Variants in TGFBR3 observed in about 807,000 individuals in gnomAD.
TGFBR3 encodes the protein transforming growth factor beta receptor type 3.
TGFBR3 carries 46 observed loss-of-function variants against 87.9 expected under a neutral mutation model. That is an observed-to-expected ratio of 0.52 (90% CI 0.41 to 0.67). The LOEUF (loss-of-function observed/expected upper bound fraction) is 0.67, where lower values mean the gene tolerates loss of function less well. Ranked by LOEUF, TGFBR3 falls within the 30% of genes least tolerant of loss-of-function variation. The probability of loss-of-function intolerance (pLI) is 0.00; values close to 1 mark genes in which losing one functional copy is unlikely to be tolerated. For missense variants in TGFBR3, 866 were observed against 1,041.9 expected (o/e 0.83, Z 2.32); for synonymous variants, 381 against 391.6 (o/e 0.97, Z 0.32).
rs749634801 is a variant in TGFBR3, at chr1:91,735,034, C to G, written c.385-75G>C. 6.5e-6 allele frequency: 10 copies of G among 1,549,110 alleles called. No homozygotes were observed. In the Admixed American group the frequency reaches 6.7e-5, roughly 10 times the overall value. On this transcript the variant is annotated intron_variant, in intron 4 of 16. Transcript: ENST00000212355. Reference sequence around the variant, plus strand: ...AATCATAATTAGAGAAAGTACTTCTCAAATCGAAGTGCTTGTAAATCGAAC... The same window carrying G: ...AATCATAATTAGAGAAAGTACTTCTGAAATCGAAGTGCTTGTAAATCGAAC...
chr1:91,841,859 C>T lies in TGFBR3; in HGVS notation c.61+19612G>A, dbSNP rs553843489. ...GTGGCTCACACCTGTAATCACAACA[C>T]TTTGGGAGGCAGGTGGATTGCTTGA... On this transcript the variant is annotated intron_variant, in intron 2 of 16. Coordinates refer to ENST00000212355, the MANE Select transcript of TGFBR3 (RefSeq NM_003243.5). Among the ~76,000 whole-genome samples the T allele has an allele frequency of 5.4e-5, 8 of 146,988 alleles. No individual in the cohort carries two copies. The East Asian group carries it at 1.2e-3, about 22-fold the overall frequency.
intron 3 of TGFBR3, among the ~76,000 whole-genome samples, chr1:91,764,439 AG>A: frequency 6.6e-6 from 1 of 151,018 alleles, no homozygotes; most frequent in South Asian, 2.1e-4. Context: ...TTGGGGGTTG[AG>A]GGGCAAGAGC....
Position 91,758,621 on chromosome 1 carries a change from G to T in TGFBR3, c.376C>A (p.Leu126Met), listed in dbSNP as rs753945219. ...TERLATGVSR[L>M]FLVSEGSVVQ... ...GAGGTTTAAGCACTTACCAAAAACA[G>T]TCTGGAGACCCCAGTGGCAAGTCTC... is the stretch of plus-strand genomic sequence containing the variant. The change falls in exon 4 of 17, where the codon CTG (leucine) becomes ATG (methionine). Residue 126 changes from leucine to methionine, a missense_variant. Leu to Met is a conservative substitution (Grantham distance 15). Transcript: ENST00000212355. The T allele has an allele frequency of 1.2e-6, 2 of 1,613,982 alleles. No individual in the cohort carries two copies. Among genetic ancestry groups the T allele is most frequent in the Non-Finnish European group, 1.7e-6 (2 of 1,179,892 alleles).
chr1:91,720,278 AC>A, intron 8 of TGFBR3, 48 bp from the exon 9 acceptor site: 1 of 1,509,898 alleles, frequency 6.6e-7, no homozygotes, highest in Non-Finnish European at 9.0e-7. Context: ...ATGCCAGGCC[AC>A]AACCAACATC....
chr1:91,735,922 A>T (rs1672952863), intron 4 of TGFBR3, among the ~76,000 whole-genome samples: 1 of 152,176 alleles, frequency 6.6e-6, no homozygotes, highest in Non-Finnish European at 1.5e-5. Flanking sequence ...TCTTGTATTA[A>T]ATTTCACATG....
intron 4 of TGFBR3, among the ~76,000 whole-genome samples, chr1:91,736,121 C>T (rs1281484904): frequency 6.6e-6 from 1 of 151,682 alleles, no homozygotes; most frequent in Non-Finnish European, 1.5e-5. Flanking sequence ...TCTAAAAACG[C>T]TGGCAAAAAA....
At chr1:91,868,741 T>TC (rs1678475608) in intron 1 of TGFBR3, among the ~76,000 whole-genome samples, 1 of 152,194 alleles carries the variant, frequency 6.6e-6, no homozygotes, top group Non-Finnish European at 1.5e-5. Flanking sequence ...ACAGTCATCC[T>TC]CCCTCAGGCC....
intron 2 of TGFBR3, among the ~76,000 whole-genome samples, chr1:91,838,054 G>C (rs1677122394): frequency 6.6e-6 from 1 of 152,190 alleles, no homozygotes; most frequent in African/African-American, 2.4e-5. Context: ...CCCCTCATCT[G>C]CCAGCTGAGT....
At chr1:91,879,685 A>T (rs1678997235) in intron 1 of TGFBR3, among the ~76,000 whole-genome samples, 2 of 152,198 alleles carry the variant, frequency 1.3e-5, no homozygotes, top group Admixed American at 1.3e-4. Context: ...CATCAAAATC[A>T]TTATTCAAGT....
At position 91,683,876 on chromosome 1, in the gene TGFBR3, A is replaced by T; in HGVS notation, c.2438-19T>A. On this transcript the variant is annotated intron_variant, in intron 16 of 16. Coordinates refer to ENST00000212355, the MANE Select transcript of TGFBR3 (RefSeq NM_003243.5). ...GTCTCCCCTGCAGTTAATAAAGAAAAGGCAGAGTCAGAGAAAGACGCATAT... is the reference window on the plus strand; with the variant it reads ...GTCTCCCCTGCAGTTAATAAAGAAATGGCAGAGTCAGAGAAAGACGCATAT... 1 of 1,571,474 alleles carries T rather than the reference A, an allele frequency of 6.4e-7. No homozygotes were observed. Among genetic ancestry groups the T allele is most frequent in the Non-Finnish European group, 8.7e-7 (1 of 1,154,216 alleles).
intron 10 of TGFBR3, among the ~76,000 whole-genome samples, chr1:91,717,958 A>G (rs1279521764): frequency 6.6e-6 from 1 of 151,956 alleles, no homozygotes; most frequent in African/African-American, 2.4e-5. Context: ...TTAAAATGCC[A>G]TAATCAAGTA....
At chr1:91,811,755 G>C (rs560855008) in intron 2 of TGFBR3, among the ~76,000 whole-genome samples, 1 of 152,270 alleles carries the variant, frequency 6.6e-6, no homozygotes, top group Admixed American at 6.5e-5. Context: ...TGAGATACCT[G>C]TTCAGAAAAA....
At chr1:91,819,369 GA>G (rs34256694) in intron 2 of TGFBR3, among the ~76,000 whole-genome samples, 98 of 146,558 alleles carry the variant, frequency 6.7e-4, no homozygotes, top group Middle Eastern at 3.5e-3. Context: ...CTCCGTCTGG[GA>G]AAAAAAAAAA....
intron 2 of TGFBR3, among the ~76,000 whole-genome samples, chr1:91,823,182 G>C (rs1484363192): frequency 6.6e-6 from 1 of 151,688 alleles, no homozygotes; most frequent in Non-Finnish European, 1.5e-5. Context: ...AAGATGAGAA[G>C]GGTCAAAAAA....
intron 1 of TGFBR3, among the ~76,000 whole-genome samples, chr1:91,876,732 A>G (rs1202244679): frequency 6.6e-6 from 1 of 152,154 alleles, no homozygotes; most frequent in Non-Finnish European, 1.5e-5. Flanking sequence ...ATGCTCTTCT[A>G]TTTGCTCTCT....
intron 6 of TGFBR3, among the ~76,000 whole-genome samples, chr1:91,728,229 T>C (rs993586430): frequency 6.6e-6 from 1 of 151,932 alleles, no homozygotes; most frequent in African/African-American, 2.4e-5. Context: ...GTTTGGTGAG[T>C]TGGGGGCGGG....
chr1:91,746,778 G>A (rs929660534), intron 4 of TGFBR3, among the ~76,000 whole-genome samples: 4 of 152,038 alleles, frequency 2.6e-5, no homozygotes, highest in Non-Finnish European at 4.4e-5. Context: ...TACAGAGAAG[G>A]AAATTGAAGC....
chr1:91,772,102 T>C (rs6663558), intron 3 of TGFBR3, among the ~76,000 whole-genome samples: 4 of 152,110 alleles, frequency 2.6e-5, no homozygotes, highest in Admixed American at 2.6e-4. Flanking sequence ...TGGAGCCAGA[T>C]CACAATGAGC....
At chr1:91,884,360 G>A (rs1158101644) in intron 1 of TGFBR3, among the ~76,000 whole-genome samples, 1 of 151,922 alleles carries the variant, frequency 6.6e-6, no homozygotes, top group African/African-American at 2.4e-5. Flanking sequence ...ATACAAGTCA[G>A]AGTTCTATTT....
Sources: gnomAD v4.1 joint callset for allele counts (sites outside exome capture counted in the v4.1 genomes callset) on GRCh38, gnomAD v4.1.1 for gene constraint, MANE v1.5 for transcripts, NCBI Gene and HGNC (gene_info 2026-07-23, HGNC 2026-07-21) for gene names.